Variants in NREP observed in about 807,000 individuals in gnomAD.
The protein encoded by NREP is neuronal regeneration related protein, also known as neuronal regeneration-related protein.
NREP carries 5 observed loss-of-function variants against 8.6 expected under a neutral mutation model. That is an observed-to-expected ratio of 0.58 (90% confidence interval 0.30 to 1.22). NREP has a LOEUF of 1.22. NREP is among the 50% of genes most tolerant of loss of function. The pLI is 0.07. For synonymous variants in NREP, 27 were observed against 28.0 expected (o/e 0.96, Z 0.11); for missense variants, 86 against 82.5 (o/e 1.04, Z -0.17).
intron 2 of NREP, among the ~76,000 whole-genome samples, chr5:111,885,845 T>G (rs1456473558): frequency 2.0e-5 from 3 of 152,036 alleles, no homozygotes; most frequent in Non-Finnish European, 4.4e-5. Flanking sequence ...AGACTTAAAC[T>G]TTAGACCTAA....
intron 3 of NREP, 77 bp from the exon 4 acceptor site, chr5:111,731,123 T>G (rs73223651): frequency 0.12 from 181,560 of 1,552,230 alleles, 15,903 homozygotes; most frequent in African/African-American, 0.46. Flanking sequence ...AACCATTTTT[T>G]AAAATTTTGC....
intron 2 of NREP, among the ~76,000 whole-genome samples, chr5:111,894,162 T>C (rs1047801652): frequency 6.6e-6 from 1 of 151,998 alleles, no homozygotes; most frequent in Non-Finnish European, 1.5e-5. Context: ...GAGGTTGCAG[T>C]GAGCCGAGAT....
chr5:111,914,645 G>T (rs1755003830), intron 2 of NREP, among the ~76,000 whole-genome samples: 2 of 152,060 alleles, frequency 1.3e-5, no homozygotes, highest in Admixed American at 6.6e-5. Context: ...TGGCAAAACT[G>T]CTGGTGAGTG....
At chr5:111,845,461 C>T (rs1753139632) in intron 2 of NREP, among the ~76,000 whole-genome samples, 1 of 152,074 alleles carries the variant, frequency 6.6e-6, no homozygotes, top group Non-Finnish European at 1.5e-5. Flanking sequence ...ATATTTGTTA[C>T]TTTCATAATT....
At chr5:111,816,401 G>C (rs1007586136) in intron 2 of NREP, among the ~76,000 whole-genome samples, 3 of 152,098 alleles carry the variant, frequency 2.0e-5, no homozygotes, top group Non-Finnish European at 2.9e-5. Context: ...ATAATGTCTT[G>C]TGAGGTTTAA....
At chr5:111,795,671 C>T (rs1751857696) in intron 2 of NREP, among the ~76,000 whole-genome samples, 3 of 152,206 alleles carry the variant, frequency 2.0e-5, no homozygotes, top group South Asian at 4.2e-4. Flanking sequence ...AGAACCTATT[C>T]ATGTATAATT....
At chr5:111,893,566 A>G (rs1188205807) in intron 2 of NREP, among the ~76,000 whole-genome samples, 1 of 151,678 alleles carries the variant, frequency 6.6e-6, no homozygotes, top group Non-Finnish European at 1.5e-5. Flanking sequence ...TAAAAATAGA[A>G]ATTCAAGGCC....
intron 2 of NREP, among the ~76,000 whole-genome samples, chr5:111,939,504 C>T (rs1339394091): frequency 2.6e-5 from 4 of 151,888 alleles, no homozygotes; most frequent in Non-Finnish European, 5.9e-5. Context: ...TATTTGTAAC[C>T]CTGAAATCAG....
At chr5:111,918,224 A>G (rs568374466) in intron 2 of NREP, among the ~76,000 whole-genome samples, 1 of 152,326 alleles carries the variant, frequency 6.6e-6, no homozygotes, top group East Asian at 1.9e-4. Context: ...AAACAAACAG[A>G]AAACATTCCA....
intron 2 of NREP, among the ~76,000 whole-genome samples, chr5:111,742,030 C>CAAAT (rs1457660597): frequency 2.6e-5 from 4 of 152,196 alleles, no homozygotes; most frequent in African/African-American, 9.6e-5. Flanking sequence ...TTAACATGTA[C>CAAAT]AAATAGAGGT....
At chr5:111,785,573 T>C (rs534829198) in intron 2 of NREP, among the ~76,000 whole-genome samples, 1 of 152,178 alleles carries the variant, frequency 6.6e-6, no homozygotes, top group Non-Finnish European at 1.5e-5. Context: ...CCTCTGTGCC[T>C]GGCCCAAAAT....
intron 2 of NREP, among the ~76,000 whole-genome samples, chr5:111,967,959 T>C (rs980284084): frequency 2.0e-5 from 3 of 152,206 alleles, no homozygotes; most frequent in Admixed American, 1.3e-4. Context: ...TCCTATTAGG[T>C]TGGTGCAATT....
chr5:111,968,290 A>T (rs946152410), intron 2 of NREP, among the ~76,000 whole-genome samples: 32 of 152,192 alleles, frequency 2.1e-4, no homozygotes, highest in African/African-American at 7.2e-4. Context: ...AGAAAAGATA[A>T]GTTATGAAAA....
intron 2 of NREP, among the ~76,000 whole-genome samples, chr5:111,939,437 G>A (rs1755770727): frequency 6.6e-6 from 1 of 151,852 alleles, no homozygotes; most frequent in South Asian, 2.1e-4. Context: ...TTACAGTCTG[G>A]GAAATCCTCA....
intron 2 of NREP, among the ~76,000 whole-genome samples, chr5:111,778,350 C>A (rs563113915): frequency 6.6e-6 from 1 of 152,268 alleles, no homozygotes; most frequent in East Asian, 1.9e-4. Flanking sequence ...TCCACAACAT[C>A]CCATTGAGGT....
chr5:111,828,572 T>C (rs1290423221), intron 2 of NREP, among the ~76,000 whole-genome samples: 1 of 152,138 alleles, frequency 6.6e-6, no homozygotes, highest in East Asian at 1.9e-4. Flanking sequence ...TTAAGAGCCT[T>C]AAAGATTAGA....
intron 2 of NREP, among the ~76,000 whole-genome samples, chr5:111,794,672 T>C (rs1751835544): frequency 6.6e-6 from 1 of 152,026 alleles, no homozygotes; most frequent in South Asian, 2.1e-4. Context: ...AGGGGTTTGG[T>C]AAGAGGTGAG....
At chr5:111,784,532 C>A (rs1487742242) in intron 2 of NREP, among the ~76,000 whole-genome samples, 1 of 152,122 alleles carries the variant, frequency 6.6e-6, no homozygotes, top group Non-Finnish European at 1.5e-5. Flanking sequence ...CAAACTATGT[C>A]CAGCAGAGCA....
At chr5:111,828,770 T>G (rs1752691226) in intron 2 of NREP, among the ~76,000 whole-genome samples, 1 of 152,214 alleles carries the variant, frequency 6.6e-6, no homozygotes, top group African/African-American at 2.4e-5. Context: ...GTTGTATCAC[T>G]AAGATATTAT....
Sources: gnomAD v4.1 joint callset for allele counts (sites outside exome capture counted in the v4.1 genomes callset) on GRCh38, gnomAD v4.1.1 for gene constraint, MANE v1.5 for transcripts, NCBI Gene and HGNC (gene_info 2026-07-23, HGNC 2026-07-21) for gene names.